GREB1L: variants seen among roughly 807,000 people sequenced by gnomAD.
GREB1L encodes GREB1-like protein.
Under a neutral mutation model 200.8 loss-of-function variants are expected in GREB1L, and 17 were observed. That is an observed-to-expected ratio of 0.08 (90% CI 0.06 to 0.13). GREB1L has a LOEUF of 0.13. Ranked by LOEUF, GREB1L falls within the 10% of genes least tolerant of loss-of-function variation. GREB1L has a pLI of 1.00. For synonymous variants in GREB1L, 789 were observed against 893.0 expected, an observed-to-expected ratio of 0.88 and a Z score of 2.08; for missense variants, 1,657 against 2,367.7, an observed-to-expected ratio of 0.70 and a Z score of 6.23.
chr18:21,503,621 G>A (rs952120154), intron 23 of GREB1L, among the ~76,000 whole-genome samples: 6 of 150,594 alleles, frequency 4.0e-5, no homozygotes, highest in African/African-American at 1.5e-4. Flanking sequence ...CTGTCACCCA[G>A]GCTGGAGTGC....
intron 1 of GREB1L, among the ~76,000 whole-genome samples, chr18:21,327,725 T>G (rs1377455540): frequency 3.6e-5 from 5 of 140,728 alleles, no homozygotes; most frequent in Admixed American, 2.2e-4. Context: ...GGTGGGGAGG[T>G]GGGGGGCACG....
intron 1 of GREB1L, among the ~76,000 whole-genome samples, chr18:21,279,621 T>C (rs2038232832): frequency 6.6e-6 from 1 of 152,190 alleles, no homozygotes; most frequent in Non-Finnish European, 1.5e-5. Context: ...AAAATTTTTT[T>C]CTTAAAGAAA....
chr18:21,304,814 C>G (rs1039814328), intron 1 of GREB1L, among the ~76,000 whole-genome samples: 2 of 152,112 alleles, frequency 1.3e-5, no homozygotes, highest in African/African-American at 4.8e-5. Context: ...CTCATTCCCA[C>G]CTAGGGGCTG....
rs561496412 is a variant in GREB1L at position 21,485,568 on chromosome 18, A to G, written c.2557-52A>G. 1.4e-5 allele frequency: 21 copies of G among 1,480,154 alleles called. No individual in the cohort carries two copies. In the African/African-American group the frequency reaches 2.3e-4, roughly 16 times the overall value. The allele number at this position is 1,480,154 out of a possible 1,614,324, so 91.7% of individuals were successfully genotyped here. On this transcript the variant is annotated intron_variant, in intron 17 of 32. Coordinates refer to ENST00000424526, the MANE Select transcript of GREB1L (RefSeq NM_001142966.3). ...TGTAAACCCCACTTTCTGGAAAACA[A>G]GACACACTGTATCCTGTCCTCATTG... is the stretch of plus-strand genomic sequence containing the variant.
chr18:21,299,429 T>C (rs1174822039), intron 1 of GREB1L, among the ~76,000 whole-genome samples: 1 of 152,056 alleles, frequency 6.6e-6, no homozygotes, highest in Non-Finnish European at 1.5e-5. Flanking sequence ...ATTATAAATA[T>C]ATAGACTCTT....
intron 1 of GREB1L, among the ~76,000 whole-genome samples, chr18:21,278,584 G>A (rs1227225165): frequency 2.0e-5 from 3 of 151,928 alleles, no homozygotes; most frequent in African/African-American, 7.3e-5. Context: ...GGTGTAAAAT[G>A]TTCTGGTATC....
At chr18:21,273,970 A>G (rs1015303419) in intron 1 of GREB1L, among the ~76,000 whole-genome samples, 1 of 152,274 alleles carries the variant, frequency 6.6e-6, no homozygotes, top group African/African-American at 2.4e-5. Flanking sequence ...TTTAGCCATC[A>G]TAAAATATTT....
intron 1 of GREB1L, among the ~76,000 whole-genome samples, chr18:21,313,375 C>T (rs1598650721): frequency 6.6e-6 from 1 of 152,176 alleles, no homozygotes. Flanking sequence ...TTATTGAGTA[C>T]TTACTAAAAG....
At chr18:21,349,175 G>A (rs2039397637) in intron 1 of GREB1L, among the ~76,000 whole-genome samples, 1 of 151,970 alleles carries the variant, frequency 6.6e-6, no homozygotes, top group Non-Finnish European at 1.5e-5. Context: ...CTCTAATCAC[G>A]CTTTCACACT....
Position 21,449,639 on chromosome 18 carries a change from C to T in GREB1L, c.1523C>T (p.Pro508Leu), listed in dbSNP as rs1195741117. 2.6e-6 allele frequency: 4 copies of T among 1,551,532 alleles called. No homozygotes were observed. In the Admixed American group the frequency reaches 7.8e-5, roughly 30 times the overall value. The change falls in exon 12 of 33, where the codon CCC becomes CTC. Residue 508 changes from proline (P) to leucine (L), a missense_variant. Around this residue, in one of 9 missense-constraint regions of GREB1L, gnomAD observed 289 missense variants for 345.1 expected, o/e 0.84. Coordinates refer to ENST00000424526, the MANE Select transcript of GREB1L (RefSeq NM_001142966.3). The stretch of plus-strand genomic sequence containing the variant: ...GTCCCTGTGTCACCAGGACAACTCC[C>T]CTGGCTTGCTAGATTAATTGCCAGC... ...QCVPVSPGQL[P>L]WLARLIASVS...
chr18:21,436,864 C>T (rs1421980337), intron 7 of GREB1L, among the ~76,000 whole-genome samples: 1 of 151,868 alleles, frequency 6.6e-6, no homozygotes, highest in Admixed American at 6.6e-5. Flanking sequence ...GCACATGCTG[C>T]CGTGCCCAGC....
chr18:21,505,446 G>C lies in GREB1L; in HGVS notation c.4107G>C (p.Glu1369Asp). The C allele has an allele frequency of 6.4e-7, 1 of 1,551,608 alleles. No individual in the cohort carries two copies. The change falls in exon 24 of 33, where the codon GAG becomes GAC. Residue 1369 changes from glutamate to aspartate, a missense_variant. Around this residue, in one of 9 missense-constraint regions of GREB1L, gnomAD observed 512 missense variants for 668.3 expected, o/e 0.77. Transcript: ENST00000424526. ...HNESSEVSQS[E>D]GEPWPDIESF... ...AAAGCAGTGAAGTGAGCCAGTCAGA[G>C]GGAGAGCCCTGGCCTGACATCGAGA...
chr18:21,379,057 A>G (rs1298653405), intron 2 of GREB1L, among the ~76,000 whole-genome samples: 1 of 152,020 alleles, frequency 6.6e-6, no homozygotes, highest in African/African-American at 2.4e-5. Flanking sequence ...TTTATTCAGC[A>G]TGATATTTAT....
At chr18:21,341,037 C>A (rs2039262509) in intron 1 of GREB1L, among the ~76,000 whole-genome samples, 1 of 152,194 alleles carries the variant, frequency 6.6e-6, no homozygotes, top group Non-Finnish European at 1.5e-5. Context: ...TTACAGATAA[C>A]TAGCCTCAAG....
chr18:21,274,572 G>A (rs1262792176), intron 1 of GREB1L, among the ~76,000 whole-genome samples: 2 of 151,940 alleles, frequency 1.3e-5, no homozygotes, highest in Admixed American at 6.6e-5. Flanking sequence ...CACCATGCCC[G>A]GCAAATTTAT....
At chr18:21,268,550 CACACACACACAT>C (rs1177836840) in intron 1 of GREB1L, among the ~76,000 whole-genome samples, 7 of 99,188 alleles carry the variant, frequency 7.1e-5, no homozygotes, top group Admixed American at 9.9e-5. Context: ...CACACACACA[CACACACACACAT>C]ATATATATAT....
intron 1 of GREB1L, among the ~76,000 whole-genome samples, chr18:21,331,751 T>G (rs2039109636): frequency 6.6e-6 from 1 of 151,882 alleles, no homozygotes; most frequent in Non-Finnish European, 1.5e-5. Context: ...CAGTTTCTTG[T>G]AGTGATATGG....
intron 1 of GREB1L, among the ~76,000 whole-genome samples, chr18:21,277,797 TTGTC>T (rs567565940): frequency 6.6e-6 from 1 of 152,308 alleles, no homozygotes; most frequent in South Asian, 2.1e-4. Flanking sequence ...GCTCTGTGAC[TTGTC>T]TGTCTGCCCA....
rs2037674942 is a variant in GREB1L, at chr18:21,525,718, A to C, written c.*2897A>C. On this transcript the variant is annotated 3_prime_UTR_variant, in exon 33 of 33. Coordinates refer to ENST00000424526, the MANE Select transcript of GREB1L (RefSeq NM_001142966.3). Reference sequence around the variant, plus strand: ...CTCAAACTTTTTGAGAGTGTCTCAAAGTTGCTAGAACTATGTAGTATGAAG... The same window carrying C: ...CTCAAACTTTTTGAGAGTGTCTCAACGTTGCTAGAACTATGTAGTATGAAG... Among the ~76,000 whole-genome samples, 1 of 152,210 alleles carries C rather than the reference A, an allele frequency of 6.6e-6. No individual in the cohort carries two copies. The highest frequency in any genetic ancestry group is 6.5e-5 in the Admixed American group (1 of 15,270).
Sources: gnomAD v4.1 joint callset for allele counts (sites outside exome capture counted in the v4.1 genomes callset) on GRCh38, gnomAD v4.1.1 for gene constraint, gnomAD v4.1.1 regional missense constraint, MANE v1.5 for transcripts, NCBI Gene and HGNC (gene_info 2026-07-23, HGNC 2026-07-21) for gene names.